The following OSBPL1A variants were observed in gnomAD, a reference collection of about 807,000 sequenced individuals.
The protein encoded by OSBPL1A is oxysterol binding protein like 1A.
A neutral mutation model predicts 137.1 loss-of-function variants in OSBPL1A; 80 were observed. The ratio of observed to expected loss-of-function variants is 0.58; its 90% CI spans 0.49 to 0.70. The LOEUF is 0.70. Among genes scored for constraint, OSBPL1A ranks in the 30% least tolerant of loss-of-function variants. The probability of loss-of-function intolerance (pLI) is 0.00; values close to 1 mark genes in which losing one functional copy is unlikely to be tolerated. For missense variants in OSBPL1A, 970 were observed against 1,129.4 expected (o/e 0.86, Z 2.02); for synonymous variants, 365 against 389.7 (o/e 0.94, Z 0.75).
At chr18:24,362,720 A>G (rs2091642951) in intron 4 of OSBPL1A, among the ~76,000 whole-genome samples, 1 of 152,254 alleles carries the variant, frequency 6.6e-6, no homozygotes, top group South Asian at 2.1e-4. Flanking sequence ...AAATAATCAA[A>G]AAAACATTAA....
intron 20 of OSBPL1A, among the ~76,000 whole-genome samples, chr18:24,178,705 C>T (rs2086520135): frequency 6.6e-6 from 1 of 152,112 alleles, no homozygotes; most frequent in Admixed American, 6.6e-5. Context: ...CAAATTAAAA[C>T]AAAGAACACC....
At chr18:24,193,824 C>T (rs950937428) in intron 18 of OSBPL1A, among the ~76,000 whole-genome samples, 8 of 152,180 alleles carry the variant, frequency 5.3e-5, no homozygotes. Flanking sequence ...ACCCTTTCAA[C>T]CCAAACAGCT....
chr18:24,389,915 C>CT (rs1907202950), intron 1 of OSBPL1A, among the ~76,000 whole-genome samples: 2 of 151,934 alleles, frequency 1.3e-5, no homozygotes, highest in South Asian at 4.2e-4. Context: ...GCAGTCCAGC[C>CT]TGGGTGACAG....
intron 12 of OSBPL1A, among the ~76,000 whole-genome samples, chr18:24,313,419 C>CA (rs2090662149): frequency 3.2e-5 from 4 of 126,630 alleles, no homozygotes; most frequent in Admixed American, 7.8e-5. Flanking sequence ...CAAGCCTGGG[C>CA]GGAAAAAAAA....
intron 16 of OSBPL1A, among the ~76,000 whole-genome samples, chr18:24,235,414 A>C (rs973344338): frequency 5.1e-4 from 59 of 116,230 alleles, no homozygotes; most frequent in African/African-American, 1.5e-3. Context: ...TCCCAAGAGT[A>C]GGGGAATGGT....
At chr18:24,385,533 G>A (rs948736903) in intron 1 of OSBPL1A, among the ~76,000 whole-genome samples, 1 of 152,188 alleles carries the variant, frequency 6.6e-6, no homozygotes, top group African/African-American at 2.4e-5. Flanking sequence ...GGGAAGAGGA[G>A]CTGGCAAAAA....
At chr18:24,175,121 T>TATAC (rs1555625063) in intron 21 of OSBPL1A, among the ~76,000 whole-genome samples, 18 of 128,938 alleles carry the variant, frequency 1.4e-4, no homozygotes, top group African/African-American at 6.4e-4. Context: ...TATATATATA[T>TATAC]ATATATATAT....
intron 14 of OSBPL1A, among the ~76,000 whole-genome samples, chr18:24,293,104 C>CAAAAA (rs1172730345): frequency 3.3e-3 from 216 of 65,422 alleles, no homozygotes; most frequent in East Asian, 7.1e-3. Flanking sequence ...ACTCCCGTCT[C>CAAAAA]AAAAAAAAAA....
chr18:24,272,010 GCGGCTCCCTGC>G (rs2089734734), intron 15 of OSBPL1A: 1 of 981,312 alleles, frequency 1.0e-6, no homozygotes, highest in Non-Finnish European at 1.2e-6. Flanking sequence ...CCTGCGGCGG[GCGGCTCCCTGC>G]GCGCGGCGGG....
chr18:24,260,546 C>T (rs115363911), intron 15 of OSBPL1A, among the ~76,000 whole-genome samples: 72 of 152,302 alleles, frequency 4.7e-4, no homozygotes, highest in African/African-American at 1.6e-3. Flanking sequence ...AAGCCAGACA[C>T]AGAAGCTCAC....
chr18:24,180,481 G>GTGTGTGTGTA (rs67402123), intron 19 of OSBPL1A, among the ~76,000 whole-genome samples: 2,004 of 150,080 alleles, frequency 0.013, 28 homozygotes, highest in Non-Finnish European at 0.02. Context: ...GTGTGTGTGT[G>GTGTGTGTGTA]TGTATGTGTT....
chr18:24,224,922 A>C (rs774476602), intron 17 of OSBPL1A, 120 bp downstream of exon 17: 111 of 1,271,070 alleles, frequency 8.7e-5, no homozygotes, highest in Admixed American at 8.7e-5. Context: ...CTTTGAGGTG[A>C]TATAGCAATA....
Position 24,167,361 on chromosome 18 carries a change from G to A in OSBPL1A, c.2503C>T (p.Arg835Ter). 3 of 1,614,190 alleles carry A rather than the reference G, an allele frequency of 1.9e-6. No homozygotes were observed. Among genetic ancestry groups the A allele is most frequent in the Non-Finnish European group, 2.5e-6 (3 of 1,180,026 alleles). ...GAATTTGGAGGCCGTGGGGCTATTCGCCATAGAAGAACGCTTCCAGGGATA... is the reference window on the plus strand; with the variant it reads ...GAATTTGGAGGCCGTGGGGCTATTCACCATAGAAGAACGCTTCCAGGGATA... ...FIIPGSVLLW[R>*]IAPRPPNSAQ... The change falls in exon 25 of 28, where the codon CGA (arginine) becomes TGA (stop). Residue 835 changes from arginine to a stop codon, truncating the protein, a stop_gained. Transcript: ENST00000319481. LOFTEE classifies it high-confidence loss of function.
chr18:24,225,069 G>C lies in OSBPL1A; in HGVS notation c.1574C>G (p.Ala525Gly). The C allele has an allele frequency of 6.2e-7, 1 of 1,614,170 alleles. No individual in the cohort carries two copies. Among genetic ancestry groups the C allele is most frequent in the Non-Finnish European group, 8.5e-7 (1 of 1,180,012 alleles). The change falls in exon 17 of 28, where the codon GCT becomes GGT. Residue 525 changes from alanine (A) to glycine (G), a missense_variant. Physicochemically the swap from Ala to Gly is moderately conservative, Grantham distance 60. This residue lies in a region of OSBPL1A where 647 missense variants were observed against 672.6 expected (regional missense o/e 0.96). Transcript: ENST00000319481. ...GTGTTTCTTGATGCCATTGGAGAGA[G>C]CATCTCCGCCACCACAGTCTTTTTC... is the stretch of plus-strand genomic sequence containing the variant. ...SEEKDCGGGDALSNGIKKHRT... is the reference protein window; with the variant it reads ...SEEKDCGGGDGLSNGIKKHRT...
chr18:24,193,564 G>A (rs550987312), intron 18 of OSBPL1A, among the ~76,000 whole-genome samples: 61 of 151,788 alleles, frequency 4.0e-4, no homozygotes, highest in Admixed American at 2.9e-3. Context: ...CTGTCGCTTA[G>A]TGCTTATACC....
intron 23 of OSBPL1A, 39 bp downstream of exon 23, chr18:24,171,370 A>T: frequency 6.8e-7 from 1 of 1,481,372 alleles, no homozygotes; most frequent in Non-Finnish European, 9.3e-7. Flanking sequence ...TCTAGTGAAC[A>T]AAATCTATAC....
At chr18:24,303,508 A>G in intron 14 of OSBPL1A, 129 bp downstream of exon 14, 1 of 635,252 alleles carries the variant, frequency 1.6e-6, no homozygotes, top group Non-Finnish European at 2.6e-6. Flanking sequence ...AAAGTTTCAA[A>G]ATAGTTTTAT....
intron 5 of OSBPL1A, 152 bp downstream of exon 5, chr18:24,341,395 G>T: frequency 1.3e-5 from 8 of 596,554 alleles, no homozygotes; most frequent in Non-Finnish European, 1.5e-5. Context: ...ATAGATAATT[G>T]TGTGTTTAAT....
At chr18:24,335,215 A>G (rs1341373090) in intron 5 of OSBPL1A, among the ~76,000 whole-genome samples, 3 of 152,194 alleles carry the variant, frequency 2.0e-5, no homozygotes, top group African/African-American at 7.2e-5. Context: ...ATACTTTGGC[A>G]CTTACTACAT....
Sources: allele counts gnomAD v4.1 joint callset (sites outside exome capture counted in the v4.1 genomes callset), GRCh38; gene constraint gnomAD v4.1.1; regional missense constraint gnomAD v4.1.1; transcripts MANE v1.5; gene names NCBI Gene and HGNC (gene_info 2026-07-23, HGNC 2026-07-21).